GRM7: variants seen among roughly 807,000 people sequenced by gnomAD.
GRM7 encodes the protein metabotropic glutamate receptor 7.
Under a neutral mutation model 84.5 loss-of-function variants are expected in GRM7, and 35 were observed. That is an observed-to-expected ratio of 0.41 (90% CI 0.32 to 0.55). The LOEUF is 0.55. Ranked by LOEUF, GRM7 falls within the 20% of genes least tolerant of loss-of-function variation. GRM7 has a pLI of 0.19. For missense variants in GRM7, 1,003 were observed against 1,194.6 expected, an observed-to-expected ratio of 0.84 and a Z score of 2.36; for synonymous variants, 487 against 455.1, an observed-to-expected ratio of 1.07 and a Z score of -0.89.
At chr3:7,097,728 GTCACCAGAA>G (rs1481070345) in intron 1 of GRM7, among the ~76,000 whole-genome samples, 1 of 152,064 alleles carries the variant, frequency 6.6e-6, no homozygotes, top group Non-Finnish European at 1.5e-5. Context: ...TCGCTGTGAG[GTCACCAGAA>G]CTTCCAGATT....
At chr3:6,935,081 C>T (rs1217870050) in intron 1 of GRM7, among the ~76,000 whole-genome samples, 1 of 152,142 alleles carries the variant, frequency 6.6e-6, no homozygotes, top group East Asian at 1.9e-4. Context: ...AACCCTAGAA[C>T]AAACATGAAA....
chr3:7,597,234 G>C (rs13321632), intron 8 of GRM7, among the ~76,000 whole-genome samples: 1 of 151,814 alleles, frequency 6.6e-6, no homozygotes, highest in Admixed American at 6.6e-5. Flanking sequence ...AAGAGAGAGT[G>C]GGGGGAGGTG....
At chr3:7,469,496 G>A (rs1698606961) in intron 7 of GRM7, among the ~76,000 whole-genome samples, 1 of 152,166 alleles carries the variant, frequency 6.6e-6, no homozygotes, top group South Asian at 2.1e-4. Flanking sequence ...GAATGAAGTT[G>A]AAGTTATCAT....
At chr3:7,551,119 GT>G (rs1336997012) in intron 7 of GRM7, among the ~76,000 whole-genome samples, 1 of 152,004 alleles carries the variant, frequency 6.6e-6, no homozygotes, top group East Asian at 1.9e-4. Context: ...TTCAGCTTTT[GT>G]TTCAAAACTC....
In GRM7 at chr3:7,486,970, T is replaced by TGGTGA. The variant is rs1699345399; in HGVS notation, c.1515+25249_1515+25253dup. 6.6e-6 allele frequency among the ~76,000 whole-genome samples: 1 copy of TGGTGA among 152,282 alleles called. No homozygotes were observed. The highest frequency in any genetic ancestry group is 2.1e-4 in the South Asian group (1 of 4,822). The stretch of plus-strand genomic sequence containing the variant: ...AACTTCTTAGAGATTAGTTAAGTTG[T>TGGTGA]GGTGACTGAAATGTAGATAGGAATA... On this transcript the variant is annotated intron_variant, in intron 7 of 9. Transcript: ENST00000357716. This position sits in a 1 kb window ranked among gnomAD's most constrained non-coding sequence, Gnocchi z 5.5.
chr3:7,523,909 T>C (rs912204250), intron 7 of GRM7, among the ~76,000 whole-genome samples: 4 of 152,086 alleles, frequency 2.6e-5, no homozygotes, highest in African/African-American at 9.7e-5. Flanking sequence ...TAAGTATGGG[T>C]AGTCTCTCAA....
intron 9 of GRM7, among the ~76,000 whole-genome samples, chr3:7,718,912 G>T (rs1239626276): frequency 1.3e-5 from 2 of 152,202 alleles, no homozygotes; most frequent in African/African-American, 4.8e-5. Flanking sequence ...TCCCAGCTTA[G>T]AAGTCTCTTG....
At chr3:7,004,772 C>T (rs1695125835) in intron 1 of GRM7, among the ~76,000 whole-genome samples, 2 of 152,050 alleles carry the variant, frequency 1.3e-5, no homozygotes, top group South Asian at 2.1e-4. Flanking sequence ...TCAGGTGTTT[C>T]AAAATAATAA....
chr3:7,438,057 T>C (rs977734440), intron 5 of GRM7, among the ~76,000 whole-genome samples: 6 of 152,074 alleles, frequency 3.9e-5, no homozygotes, highest in Non-Finnish European at 8.8e-5. Context: ...ACACTGAGCC[T>C]CGTAGACTAT....
intron 1 of GRM7, among the ~76,000 whole-genome samples, chr3:6,922,514 A>G (rs969580699): frequency 2.6e-5 from 4 of 152,226 alleles, no homozygotes; most frequent in Admixed American, 2.6e-4. Context: ...CTTGAAATAA[A>G]TACAAGATTC....
At chr3:7,555,617 T>G (rs948315751) in intron 7 of GRM7, among the ~76,000 whole-genome samples, 1 of 152,234 alleles carries the variant, frequency 6.6e-6, no homozygotes, top group Non-Finnish European at 1.5e-5. Flanking sequence ...TACAACTGCC[T>G]GAATTTTAGG....
chr3:7,256,552 G>A (rs753863459), intron 2 of GRM7, among the ~76,000 whole-genome samples: 1 of 152,016 alleles, frequency 6.6e-6, no homozygotes, highest in East Asian at 1.9e-4. Flanking sequence ...TATAGTGAAG[G>A]AACCACTTCG....
At chr3:7,417,326 G>A (rs561452404) in intron 5 of GRM7, among the ~76,000 whole-genome samples, 13 of 152,022 alleles carry the variant, frequency 8.6e-5, no homozygotes, top group Non-Finnish European at 1.8e-4. Context: ...TACCATTACC[G>A]TATCTCTTAC....
chr3:7,013,610 G>A (rs1695460307), intron 1 of GRM7, among the ~76,000 whole-genome samples: 1 of 151,976 alleles, frequency 6.6e-6, no homozygotes, highest in South Asian at 2.1e-4. Flanking sequence ...TCTTATATGA[G>A]TTCGTTTGAA....
Position 7,088,695 on chromosome 3 carries a change from T to C in GRM7, c.520-57757T>C, listed in dbSNP as rs1402270997. On this transcript the variant is annotated intron_variant, in intron 1 of 9. Transcript: ENST00000357716. ...GGACATTGGAGGTTCACTGATTTCT[T>C]ATTCATCGAAGCACCAGTGGTGCGA... 5.7e-5 allele frequency among the ~76,000 whole-genome samples: 8 copies of C among 141,072 alleles called. 1 individual carries two copies. Among genetic ancestry groups the C allele is most frequent in the Non-Finnish European group, 1.1e-4 (7 of 65,990 alleles). The allele number at this position is 141,072 out of a possible 152,430, so 92.5% of individuals were successfully genotyped here.
intron 8 of GRM7, among the ~76,000 whole-genome samples, chr3:7,634,521 C>T (rs2324207): frequency 0.47 from 62,478 of 133,138 alleles, 14,488 homozygotes; most frequent in East Asian, 0.65. Context: ...CTCCATGGCT[C>T]ACGCCTGTAA....
At chr3:7,462,704 C>T (rs1368018119) in intron 7 of GRM7, among the ~76,000 whole-genome samples, 1 of 152,140 alleles carries the variant, frequency 6.6e-6, no homozygotes, top group Non-Finnish European at 1.5e-5. Flanking sequence ...GAAGCCACTA[C>T]AGGCCAGTTA....
At chr3:6,991,487 G>A (rs2079974185) in intron 1 of GRM7, among the ~76,000 whole-genome samples, 1 of 152,184 alleles carries the variant, frequency 6.6e-6, no homozygotes, top group Non-Finnish European at 1.5e-5. Flanking sequence ...TATGTAAGGT[G>A]AGGAGAGAAG....
intron 7 of GRM7, among the ~76,000 whole-genome samples, chr3:7,563,583 A>G (rs1385896148): frequency 1.3e-5 from 2 of 152,142 alleles, no homozygotes; most frequent in African/African-American, 2.4e-5. Context: ...AATTAGGGGG[A>G]AAAATGACAG....
Sources: allele counts gnomAD v4.1 joint callset (sites outside exome capture counted in the v4.1 genomes callset), GRCh38; gene constraint gnomAD v4.1.1; non-coding constraint Gnocchi (gnomAD v3.1); transcripts MANE v1.5; gene names NCBI Gene and HGNC (gene_info 2026-07-23, HGNC 2026-07-21).